LINGO2: variants seen among roughly 807,000 people sequenced by gnomAD.
The protein encoded by LINGO2 is leucine rich repeat and Ig domain containing 2.
Under a neutral mutation model 30.6 loss-of-function variants are expected in LINGO2, and 14 were observed. The ratio of observed to expected loss-of-function variants is 0.46; its 90% CI spans 0.30 to 0.72. The LOEUF (loss-of-function observed/expected upper bound fraction) is 0.72, where lower values mean the gene tolerates loss of function less well. Among genes scored for constraint, LINGO2 ranks in the 30% least tolerant of loss-of-function variants. The pLI is 0.07. For synonymous variants in LINGO2, 317 were observed against 288.5 expected (o/e 1.10, Z -1.00); for missense variants, 729 against 751.7 (o/e 0.97, Z 0.35).
chr9:28,944,762 T>C, the LINGO2 span, among the ~76,000 whole-genome samples: 2 of 151,874 alleles, frequency 1.3e-5, no homozygotes, highest in African/African-American at 4.8e-5. Flanking sequence ...TAATCACTAA[T>C]AATTGATTTA....
At chr9:28,992,376 G>A in the LINGO2 span, among the ~76,000 whole-genome samples, 1 of 152,008 alleles carries the variant, frequency 6.6e-6, no homozygotes, top group Non-Finnish European at 1.5e-5. Flanking sequence ...CAAGTCCTCA[G>A]TGACCTACAA....
At chr9:28,043,615 A>G (rs957256389) in intron 4 of LINGO2, among the ~76,000 whole-genome samples, 1 of 152,228 alleles carries the variant, frequency 6.6e-6, no homozygotes, top group African/African-American at 2.4e-5. Flanking sequence ...AGTTTCAAAC[A>G]TATACAAAAC....
intron 4 of LINGO2, among the ~76,000 whole-genome samples, chr9:28,188,993 C>G (rs551963703): frequency 6.6e-6 from 1 of 152,026 alleles, no homozygotes; most frequent in African/African-American, 2.4e-5. Context: ...AAACAGAAGA[C>G]AAGTCTAAAA....
chr9:28,189,298 A>C, intron 4 of LINGO2, among the ~76,000 whole-genome samples: 1 of 52,446 alleles, frequency 1.9e-5, no homozygotes, highest in South Asian at 6.1e-4. Context: ...GGAGGAAGGA[A>C]GGAAGGGAGG....
At chr9:28,632,571 T>A (rs1252742951) in intron 1 of LINGO2, among the ~76,000 whole-genome samples, 2 of 146,996 alleles carry the variant, frequency 1.4e-5, no homozygotes, top group Admixed American at 1.4e-4. Flanking sequence ...TATCTCGATA[T>A]ACTATATATG....
At chr9:28,380,333 A>G (rs1430952124) in intron 2 of LINGO2, among the ~76,000 whole-genome samples, 1 of 151,788 alleles carries the variant, frequency 6.6e-6, no homozygotes, top group African/African-American at 2.4e-5. Flanking sequence ...AAGCTAGGTG[A>G]CCATTAATAG....
At position 28,608,020 on chromosome 9, in the gene LINGO2, T is replaced by C. The variant is rs921895851; in HGVS notation, c.-365+62180A>G. Among the ~76,000 whole-genome samples the C allele has an allele frequency of 3.9e-5, 6 of 152,084 alleles. No homozygotes were observed. In the East Asian group the frequency reaches 9.6e-4, roughly 24 times the overall value. Reference sequence around the variant, plus strand: ...GTAAAACAAATTAATGGTTTGCATATGTTTCCAATTTATGATCTAATCTGG... The same window carrying C: ...GTAAAACAAATTAATGGTTTGCATACGTTTCCAATTTATGATCTAATCTGG... On this transcript the variant is annotated intron_variant, in intron 1 of 5. Coordinates refer to ENST00000379992, the Ensembl canonical transcript of LINGO2.
At chr9:28,362,292 G>T (rs985151554) in intron 3 of LINGO2, among the ~76,000 whole-genome samples, 2 of 151,496 alleles carry the variant, frequency 1.3e-5, no homozygotes, top group Admixed American at 6.6e-5. Flanking sequence ...GAGAGAGAGA[G>T]GACTTCTGAA....
At chr9:28,614,684 C>T (rs1348577209) in intron 1 of LINGO2, among the ~76,000 whole-genome samples, 2 of 152,042 alleles carry the variant, frequency 1.3e-5, no homozygotes, top group East Asian at 3.9e-4. Flanking sequence ...AATTAATTTG[C>T]ACCTCAAGCC....
chr9:28,296,846 T>C (rs1823941807), intron 3 of LINGO2, among the ~76,000 whole-genome samples: 1 of 150,288 alleles, frequency 6.7e-6, no homozygotes, highest in Non-Finnish European at 1.5e-5. Flanking sequence ...TTGTGGTACT[T>C]ATTAACCTAT....
intron 1 of LINGO2, among the ~76,000 whole-genome samples, chr9:28,664,293 G>A (rs1828704625): frequency 6.6e-6 from 1 of 152,028 alleles, no homozygotes; most frequent in Non-Finnish European, 1.5e-5. Context: ...TTCTAGGGGA[G>A]CTATCTGCAA....
intron 4 of LINGO2, among the ~76,000 whole-genome samples, chr9:28,218,351 T>C (rs11788498): frequency 6.6e-6 from 1 of 151,742 alleles, no homozygotes; most frequent in African/African-American, 2.4e-5. Context: ...GCTAGTTAAG[T>C]ATGCACTTAC....
chr9:28,250,789 G>A (rs1007356115), intron 4 of LINGO2, among the ~76,000 whole-genome samples: 6 of 152,288 alleles, frequency 3.9e-5, no homozygotes, highest in South Asian at 2.1e-4. Flanking sequence ...AATACGGCAC[G>A]CTTCCCACTC....
At chr9:28,489,470 C>T (rs912302450) in intron 1 of LINGO2, among the ~76,000 whole-genome samples, 2 of 152,240 alleles carry the variant, frequency 1.3e-5, no homozygotes, top group African/African-American at 4.8e-5. Flanking sequence ...GCGTCCAGCC[C>T]ATCCTTCCTT....
intron 1 of LINGO2, among the ~76,000 whole-genome samples, chr9:28,570,109 A>G (rs1027813980): frequency 2.6e-5 from 4 of 151,896 alleles, no homozygotes; most frequent in Non-Finnish European, 5.9e-5. Flanking sequence ...TTTAAAACAG[A>G]CATATGTGGC....
rs138127917 is a variant in LINGO2, at chr9:28,545,606, A to G, written c.-364-69581T>C. On this transcript the variant is annotated intron_variant, in intron 1 of 5. Transcript: ENST00000379992. ...AAAGAAGTATGTATTTAGTTATTCC[A>G]TATATATAGGGAGGGCAGACTTGGT... Among the ~76,000 whole-genome samples, 10 of 152,128 alleles carry G rather than the reference A, an allele frequency of 6.6e-5. No homozygotes were observed. In the East Asian group the frequency reaches 1.7e-3, roughly 26 times the overall value.
At chr9:28,189,091 G>A (rs1421802645) in intron 4 of LINGO2, among the ~76,000 whole-genome samples, 1 of 151,940 alleles carries the variant, frequency 6.6e-6, no homozygotes, top group Non-Finnish European at 1.5e-5. Flanking sequence ...TTTTGTCTTA[G>A]GTACAGGGCT....
chr9:28,278,576 G>A (rs1823212690), intron 4 of LINGO2, among the ~76,000 whole-genome samples: 1 of 152,096 alleles, frequency 6.6e-6, no homozygotes, highest in African/African-American at 2.4e-5. Context: ...AACAAAGCCT[G>A]GATGACAGCA....
chr9:28,759,309 A>G, the LINGO2 span, among the ~76,000 whole-genome samples: 1 of 152,072 alleles, frequency 6.6e-6, no homozygotes, highest in African/African-American at 2.4e-5. Flanking sequence ...ATGTCATTGT[A>G]TAGAAAGTAA....
Sources: allele counts gnomAD v4.1 joint callset (sites outside exome capture counted in the v4.1 genomes callset), GRCh38; gene constraint gnomAD v4.1.1; transcripts MANE v1.5; gene names NCBI Gene and HGNC (gene_info 2026-07-23, HGNC 2026-07-21).